Variants in ZNF544 observed in about 807,000 individuals in gnomAD.
ZNF544 encodes zinc finger protein AF020591.
A neutral mutation model predicts 13.5 loss-of-function variants in ZNF544; 10 were observed. The ratio of observed to expected loss-of-function variants is 0.74; its 90% CI spans 0.46 to 1.25. The LOEUF (loss-of-function observed/expected upper bound fraction) is 1.25, where lower values mean the gene tolerates loss of function less well. ZNF544 is among the 50% of genes most tolerant of loss of function. ZNF544 has a pLI of 0.00. For missense variants in ZNF544, 896 were observed against 845.6 expected (o/e 1.06, Z -0.74); for synonymous variants, 323 against 300.5 (o/e 1.07, Z -0.77).
intron 4 of ZNF544, chr19:58,245,909 T>TG (rs2045093093): frequency 3.1e-6 from 1 of 324,338 alleles, no homozygotes; most frequent in Non-Finnish European, 6.0e-6. Flanking sequence ...ACCACATACA[T>TG]GGAGCTGTCC....
In ZNF544 at chr19:58,262,057, GA is replaced by G; in HGVS notation, c.1453del (p.Thr485ArgfsTer107). On this transcript the variant is annotated frameshift_variant, in exon 7 of 7. Transcript: ENST00000687789. LOFTEE classifies it low-confidence loss of function (END_TRUNC). The stretch of plus-strand genomic sequence containing the variant: ...AGCTATGAGTTAGTTACACATAAAA[GA>G]ACGCACACTGGAGAAAAACCCTTCA... ...SQSYELVTHK[R>X]THTGEKPFKC... The G allele has an allele frequency of 1.2e-6, 2 of 1,612,534 alleles. No homozygotes were observed. The highest frequency in any genetic ancestry group is 1.3e-5 in the African/African-American group (1 of 74,420).
chr19:58,271,451 A>C (rs1013425482), intron 5 of ZNF544, among the ~76,000 whole-genome samples: 3 of 151,442 alleles, frequency 2.0e-5, no homozygotes, highest in African/African-American at 7.3e-5. Context: ...AAAATACAAA[A>C]ATTAGCCGGG....
chr19:58,256,737 G>C (rs891011854), intron 6 of ZNF544, among the ~76,000 whole-genome samples: 1 of 152,164 alleles, frequency 6.6e-6, no homozygotes, highest in Non-Finnish European at 1.5e-5. Flanking sequence ...GAAATGCTGA[G>C]GATCTGTTTA....
At chr19:58,276,212 G>T (rs1439189789) in intron 5 of ZNF544, 1 of 461,822 alleles carries the variant, frequency 2.2e-6, no homozygotes, top group East Asian at 3.6e-5. Flanking sequence ...GAACACACAG[G>T]TTTCCCCTAA....
At chr19:58,267,434 C>T (rs1250150341), downstream of ZNF544, among the ~76,000 whole-genome samples, 1 of 151,572 alleles carries the variant, frequency 6.6e-6, no homozygotes, top group Non-Finnish European at 1.5e-5. Flanking sequence ...GGTGTGGTGG[C>T]TCATGCCTGT....
At chr19:58,230,668 G>A (rs775980108) in intron 3 of ZNF544, among the ~76,000 whole-genome samples, 1 of 152,194 alleles carries the variant, frequency 6.6e-6, no homozygotes, top group African/African-American at 2.4e-5. Context: ...GTCTACATTT[G>A]TGTTTGTGTG....
At chr19:58,268,262 TTACA>T (rs2050186373), downstream of ZNF544, among the ~76,000 whole-genome samples, 1 of 151,948 alleles carries the variant, frequency 6.6e-6, no homozygotes, top group Non-Finnish European at 1.5e-5. Flanking sequence ...TCTAGTGCCA[TTACA>T]CTCCAGCCTG....
intron 6 of ZNF544, among the ~76,000 whole-genome samples, chr19:58,256,007 G>C (rs904018563): frequency 2.0e-5 from 3 of 152,178 alleles, no homozygotes; most frequent in African/African-American, 7.2e-5. Flanking sequence ...GGGTGGTAGC[G>C]GTCAGGCACT....
intron 5 of ZNF544, among the ~76,000 whole-genome samples, chr19:58,273,547 G>T (rs1244677177): frequency 6.6e-6 from 1 of 151,768 alleles, no homozygotes; most frequent in Non-Finnish European, 1.5e-5. Flanking sequence ...AAAATTAGCC[G>T]GGCGTGGTGG....
chr19:58,276,123 G>A (rs2051203265), intron 5 of ZNF544, among the ~76,000 whole-genome samples: 1 of 152,072 alleles, frequency 6.6e-6, no homozygotes, highest in African/African-American at 2.4e-5. Context: ...GTTACAATGA[G>A]CCAAGATTGC....
intron 3 of ZNF544, among the ~76,000 whole-genome samples, chr19:58,240,259 T>G (rs2043278478): frequency 6.6e-6 from 1 of 151,756 alleles, no homozygotes; most frequent in Admixed American, 6.6e-5. Context: ...TTCTTTTTCT[T>G]TCTTTTTTTT....
At chr19:58,246,649 A>C in intron 5 of ZNF544, 62 bp from the exon 6 acceptor site, 1 of 1,587,308 alleles carries the variant, frequency 6.3e-7, no homozygotes. Context: ...TGAAGCTTGG[A>C]CCCAGGACAT....
rs1296333074 is a variant in ZNF544 at position 58,243,914 on chromosome 19, G to A, written c.-59-51G>A. ...GTTCTCTAGGGTGGGTGTTGGCCCTGGAGGTTTGCAGGAGCCGAGGGGCTG... is the reference window on the plus strand; with the variant it reads ...GTTCTCTAGGGTGGGTGTTGGCCCTAGAGGTTTGCAGGAGCCGAGGGGCTG... On this transcript the variant is annotated intron_variant, in intron 3 of 6. Transcript: ENST00000687789. 6.2e-6 allele frequency: 9 copies of A among 1,451,204 alleles called. No individual in the cohort carries two copies. The African/African-American group carries it at 8.7e-5, about 14-fold the overall frequency. 89.9% of individuals were successfully genotyped at this position (1,451,204 alleles called of 1,614,324 possible).
Position 58,262,300 on chromosome 19 carries a change from T to A in ZNF544, c.1694T>A (p.Ile565Lys). The change falls in exon 7 of 7, where the codon ATA (isoleucine) becomes AAA (lysine). Residue 565 changes from isoleucine to lysine, a missense_variant. By Grantham distance (102) the Ile-to-Lys change is moderately radical. Coordinates refer to ENST00000687789, the MANE Select transcript of ZNF544 (RefSeq NM_014480.4). Reference protein sequence around the residue: ...KSFRWNSNLVIHQRIHTGEKP... With the variant: ...KSFRWNSNLVKHQRIHTGEKP... The stretch of plus-strand genomic sequence containing the variant: ...TTCAGATGGAACTCTAACCTCGTCA[T>A]ACATCAGAGAATTCATACTGGAGAG... The A allele has an allele frequency of 6.2e-7, 1 of 1,613,804 alleles. No individual in the cohort carries two copies. The highest frequency in any genetic ancestry group is 8.5e-7 in the Non-Finnish European group (1 of 1,180,010).
chr19:58,242,253 A>G (rs914157717), intron 3 of ZNF544: 8 of 985,394 alleles, frequency 8.1e-6, no homozygotes, highest in Non-Finnish European at 9.6e-6. Flanking sequence ...CAGCACCGCA[A>G]CATCTGCAGG....
chr19:58,256,843 A>G (rs1449134020), intron 6 of ZNF544, among the ~76,000 whole-genome samples: 1 of 152,196 alleles, frequency 6.6e-6, no homozygotes, highest in Non-Finnish European at 1.5e-5. Flanking sequence ...CTTCCCAGCT[A>G]GAGAGAGTCT....
At chr19:58,244,171 G>C in intron 4 of ZNF544, 115 bp downstream of exon 4, 1 of 801,732 alleles carries the variant, frequency 1.2e-6, no homozygotes, top group Admixed American at 3.1e-5. Flanking sequence ...GTGCTGGCCA[G>C]TGCTTCCCAG....
At chr19:58,246,837 C>T (rs1019737956) in intron 6 of ZNF544, 43 bp downstream of exon 6, 1 of 1,592,478 alleles carries the variant, frequency 6.3e-7, no homozygotes, top group Non-Finnish European at 8.6e-7. Context: ...GTTTAACAAG[C>T]TTGGACAGAG....
Position 58,262,913 on chromosome 19 carries a change from G to A in ZNF544, c.*159G>A, listed in dbSNP as rs1015512445. On this transcript the variant is annotated 3_prime_UTR_variant, in exon 7 of 7. Transcript: ENST00000687789. ...GACATATCCTGGAGAAAAGCCCTAC[G>A]AATGCATTGATTGTGGGAAAGCCTT... 6.2e-6 allele frequency: 9 copies of A among 1,453,304 alleles called. No individual in the cohort carries two copies. The African/African-American group carries it at 7.1e-5, about 12-fold the overall frequency. The allele number at this position is 1,453,304 out of a possible 1,614,324, so 90.0% of individuals were successfully genotyped here.
Sources: gnomAD v4.1 joint callset for allele counts (sites outside exome capture counted in the v4.1 genomes callset) on GRCh38, gnomAD v4.1.1 for gene constraint, MANE v1.5 for transcripts, NCBI Gene and HGNC (gene_info 2026-07-23, HGNC 2026-07-21) for gene names.